HIVEP1: variants seen among roughly 807,000 people sequenced by gnomAD.
HIVEP1 encodes HIVEP zinc finger 1.
Under a neutral mutation model 180.0 loss-of-function variants are expected in HIVEP1, and 36 were observed. The observed-to-expected ratio is 0.20, with a 90% CI of 0.15 to 0.26. HIVEP1 has a LOEUF of 0.26. Among genes scored for constraint, HIVEP1 ranks in the 10% least tolerant of loss-of-function variants. The pLI, the probability that HIVEP1 is intolerant of heterozygous loss-of-function variation, is 1.00. For synonymous variants in HIVEP1, 1,239 were observed against 1,239.0 expected, an observed-to-expected ratio of 1.00 and a Z score of 0.00; for missense variants, 3,143 against 3,268.7, an observed-to-expected ratio of 0.96 and a Z score of 0.94.
At chr6:12,118,447 A>G (rs1019484620) in intron 3 of HIVEP1, among the ~76,000 whole-genome samples, 21 of 152,230 alleles carry the variant, frequency 1.4e-4, no homozygotes, top group African/African-American at 5.1e-4. Flanking sequence ...ACAAATGGAA[A>G]CCAAAGTAAA....
chr6:12,106,003 T>TAC (rs1409177764), intron 3 of HIVEP1, among the ~76,000 whole-genome samples: 6 of 151,382 alleles, frequency 4.0e-5, no homozygotes, highest in Non-Finnish European at 5.9e-5. Context: ...CATATATATA[T>TAC]ACACATATAT....
intron 4 of HIVEP1, chr6:12,129,493 T>C (rs1758288509): frequency 1.9e-6 from 1 of 538,850 alleles, no homozygotes; most frequent in South Asian, 1.6e-5. Context: ...AATACCATGG[T>C]ATAGGAGGTT....
At chr6:12,087,138 A>G (rs188138945) in intron 2 of HIVEP1, among the ~76,000 whole-genome samples, 2 of 152,270 alleles carry the variant, frequency 1.3e-5, no homozygotes, top group Admixed American at 6.5e-5. Flanking sequence ...AGTAGTCTAA[A>G]TTTATATACT....
the HIVEP1 span, among the ~76,000 whole-genome samples, chr6:12,181,544 G>A: frequency 6.6e-6 from 1 of 151,902 alleles, no homozygotes; most frequent in African/African-American, 2.4e-5. Context: ...CCAAGTAGCT[G>A]GGACTACAGG....
chr6:12,074,034 GTTCT>G (rs1772165367), intron 2 of HIVEP1, among the ~76,000 whole-genome samples: 1 of 152,184 alleles, frequency 6.6e-6, no homozygotes, highest in Admixed American at 6.5e-5. Context: ...GTACATCACT[GTTCT>G]TTCTTCCTTG....
At chr6:12,113,863 C>T (rs1179923995) in intron 3 of HIVEP1, among the ~76,000 whole-genome samples, 1 of 152,220 alleles carries the variant, frequency 6.6e-6, no homozygotes, top group Non-Finnish European at 1.5e-5. Flanking sequence ...CATTTCCTTA[C>T]CTCCATCTTC....
rs1403197200 is a variant in HIVEP1 at position 12,027,334 on chromosome 6, A to G, written c.40+11666A>G. Among the ~76,000 whole-genome samples the G allele has an allele frequency of 2.0e-5, 3 of 152,322 alleles. No individual in the cohort carries two copies. In the East Asian group the frequency reaches 5.8e-4, roughly 29 times the overall value. ...TCCGCTGCCTGCCAAGCATAAGGGAATTCACATTTGGTTGGGAAGAAGTCC... is the reference window on the plus strand; with the variant it reads ...TCCGCTGCCTGCCAAGCATAAGGGAGTTCACATTTGGTTGGGAAGAAGTCC... On this transcript the variant is annotated intron_variant, in intron 2 of 8. Coordinates refer to ENST00000379388, the MANE Select transcript of HIVEP1 (RefSeq NM_002114.4).
chr6:12,203,281 A>G, the HIVEP1 span, among the ~76,000 whole-genome samples: 1 of 152,202 alleles, frequency 6.6e-6, no homozygotes, highest in South Asian at 2.1e-4. Flanking sequence ...GTGACTTTTG[A>G]TGCTGATAAG....
intron 2 of HIVEP1, among the ~76,000 whole-genome samples, chr6:12,069,611 T>C (rs1427749985): frequency 6.7e-6 from 1 of 148,372 alleles, no homozygotes; most frequent in African/African-American, 2.5e-5. Flanking sequence ...TTGGGAGATA[T>C]ACCTAATGCT....
chr6:12,165,409 G>C (rs556127275), downstream of HIVEP1, among the ~76,000 whole-genome samples: 2 of 152,118 alleles, frequency 1.3e-5, no homozygotes, highest in African/African-American at 4.8e-5. Context: ...ATCCATTCGT[G>C]GGCTATGGGC....
chr6:12,086,405 T>C (rs2113312330), intron 2 of HIVEP1, among the ~76,000 whole-genome samples: 1 of 152,292 alleles, frequency 6.6e-6, no homozygotes, highest in Non-Finnish European at 1.5e-5. Flanking sequence ...TTTTTATTTT[T>C]AGGTAACAGC....
chr6:12,062,623 C>G (rs181545728), intron 2 of HIVEP1, among the ~76,000 whole-genome samples: 197 of 152,142 alleles, frequency 1.3e-3, no homozygotes, highest in African/African-American at 4.7e-3. Flanking sequence ...AGCTACATGC[C>G]GAGTGCTACT....
intron 3 of HIVEP1, among the ~76,000 whole-genome samples, chr6:12,095,578 T>A (rs1234744811): frequency 2.0e-5 from 3 of 151,618 alleles, no homozygotes; most frequent in Non-Finnish European, 4.4e-5. Context: ...AATTGTTTTT[T>A]AAAACCATTT....
At chr6:12,077,041 C>T (rs1327355835) in intron 2 of HIVEP1, among the ~76,000 whole-genome samples, 1 of 152,104 alleles carries the variant, frequency 6.6e-6, no homozygotes, top group East Asian at 1.9e-4. Flanking sequence ...TAAACTACAA[C>T]TTACAAAGCC....
intron 2 of HIVEP1, among the ~76,000 whole-genome samples, chr6:12,088,300 T>C (rs554914140): frequency 6.6e-6 from 1 of 152,148 alleles, no homozygotes. Flanking sequence ...TAGAATGTTA[T>C]ATAATTATCA....
chr6:12,190,468 G>T, the HIVEP1 span, among the ~76,000 whole-genome samples: 1,566 of 152,102 alleles, frequency 0.01, 30 homozygotes, highest in African/African-American at 0.036. Context: ...TCAGTTCCTT[G>T]CACAAGTCAG....
chr6:12,163,152 A>G, intron 8 of HIVEP1, 131 bp from the exon 9 acceptor site: 2 of 739,656 alleles, frequency 2.7e-6, no homozygotes, highest in Admixed American at 2.5e-5. Flanking sequence ...TCATTGCAGC[A>G]AACATCATTT....
chr6:12,168,083 AC>A (rs1194966710), downstream of HIVEP1, among the ~76,000 whole-genome samples: 4 of 62,288 alleles, frequency 6.4e-5, no homozygotes, highest in Non-Finnish European at 1.3e-4. Flanking sequence ...GTGTATATAT[AC>A]ATATATACAC....
rs200167270 is a variant in HIVEP1 at position 12,124,945 on chromosome 6, C to A, written c.5150C>A (p.Ser1717Tyr). The A allele has an allele frequency of 5.0e-5, 80 of 1,614,002 alleles. No homozygotes were observed. The African/African-American group carries it at 8.9e-4, about 18-fold the overall frequency. Residue 1717 changes from serine to tyrosine, a missense_variant, in exon 4 of 9, where the codon TCT (serine) becomes TAT (tyrosine). This residue lies in a region of HIVEP1 where 1,357 missense variants were observed against 1,260.5 expected (regional missense o/e 1.08). Coordinates refer to ENST00000379388, the MANE Select transcript of HIVEP1 (RefSeq NM_002114.4). The stretch of plus-strand genomic sequence containing the variant: ...GTTTTTTCAGAGATGAGCCAAAATT[C>A]TTCTCTATCAGAATCCTTGCCCATA... ...ENVFSEMSQN[S>Y]SLSESLPITQ...
Sources: gnomAD v4.1 joint callset for allele counts (sites outside exome capture counted in the v4.1 genomes callset) on GRCh38, gnomAD v4.1.1 for gene constraint, gnomAD v4.1.1 regional missense constraint, MANE v1.5 for transcripts, NCBI Gene and HGNC (gene_info 2026-07-23, HGNC 2026-07-21) for gene names.